Variants in MEI1 observed in about 807,000 individuals in gnomAD.
The protein encoded by MEI1 is meiosis inhibitor protein 1.
A neutral mutation model predicts 146.2 loss-of-function variants in MEI1; 103 were observed. The ratio of observed to expected loss-of-function variants is 0.70; its 90% confidence interval spans 0.60 to 0.83. The LOEUF (loss-of-function observed/expected upper bound fraction) is 0.83. Ranked by LOEUF, MEI1 falls within the 40% of genes least tolerant of loss-of-function variation. MEI1 has a pLI of 0.00. For synonymous variants in MEI1, 652 were observed against 628.2 expected, an observed-to-expected ratio of 1.04 and a Z score of -0.57; for missense variants, 1,529 against 1,533.0, an observed-to-expected ratio of 1.00 and a Z score of 0.04.
At chr22:41,732,647 C>A (rs752020021) in intron 11 of MEI1, 44 bp downstream of exon 11, 4 of 1,589,194 alleles carry the variant, frequency 2.5e-6, no homozygotes, top group Non-Finnish European at 1.7e-6. Context: ...CTGCATATAC[C>A]TAAGGGCCTG....
At chr22:41,742,465 C>T (rs2072963072) in intron 11 of MEI1, among the ~76,000 whole-genome samples, 1 of 152,160 alleles carries the variant, frequency 6.6e-6, no homozygotes, top group South Asian at 2.1e-4. Context: ...TAATAATAGA[C>T]ACAGCTGACA....
chr22:41,777,596 A>G (rs2075518485), intron 21 of MEI1, among the ~76,000 whole-genome samples: 1 of 152,224 alleles, frequency 6.6e-6, no homozygotes, highest in African/African-American at 2.4e-5. Flanking sequence ...TTAGCTGATA[A>G]TACTGGTTAA....
At chr22:41,770,652 G>A (rs999184834) in intron 19 of MEI1, 34 bp from the exon 20 acceptor site, 6 of 1,597,898 alleles carry the variant, frequency 3.8e-6, no homozygotes, top group Admixed American at 1.7e-5. Context: ...CCTCTGCAAG[G>A]TGTATTTACC....
chr22:41,745,093 T>C (rs1272675366), intron 13 of MEI1, 29 bp downstream of exon 13: 1 of 1,448,030 alleles, frequency 6.9e-7, no homozygotes, highest in Non-Finnish European at 9.3e-7. Flanking sequence ...TATGAAGTAA[T>C]AGCATGGAAG....
intron 19 of MEI1, among the ~76,000 whole-genome samples, chr22:41,768,120 G>A (rs1021218217): frequency 4.6e-5 from 7 of 152,106 alleles, no homozygotes; most frequent in Middle Eastern, 3.2e-3. Context: ...AGTTGCTCAC[G>A]CCTGTAATCC....
intron 15 of MEI1, among the ~76,000 whole-genome samples, chr22:41,752,109 T>G (rs2073800661): frequency 6.6e-6 from 1 of 151,892 alleles, no homozygotes; most frequent in Non-Finnish European, 1.5e-5. Context: ...ATTGGACCTC[T>G]GTTCTGAGAA....
chr22:41,755,594 CCTTG>C (rs2074040362), intron 17 of MEI1, among the ~76,000 whole-genome samples: 1 of 152,158 alleles, frequency 6.6e-6, no homozygotes, highest in African/African-American at 2.4e-5. Context: ...CTGGCAGTTC[CCTTG>C]CTTGTCAAAC....
In MEI1 at chr22:41,784,797, T is replaced by A. The variant is rs558345705; in HGVS notation, c.3345+14T>A. The A allele has an allele frequency of 1.9e-6, 3 of 1,577,100 alleles. No individual in the cohort carries two copies. In the South Asian group the frequency reaches 3.5e-5, roughly 18 times the overall value. Reference sequence around the variant, plus strand: ...CTCCTGGTGCAGGTAAGGCCCTTGCTGAGTGGGGCTTGCTTCTCCCAGGAC... The same window carrying A: ...CTCCTGGTGCAGGTAAGGCCCTTGCAGAGTGGGGCTTGCTTCTCCCAGGAC... On this transcript the variant is annotated intron_variant, in intron 26 of 30. Coordinates refer to ENST00000401548, the MANE Select transcript of MEI1 (RefSeq NM_152513.4).
chr22:41,700,996 A>G (rs1324216730), intron 1 of MEI1, among the ~76,000 whole-genome samples: 2 of 149,536 alleles, frequency 1.3e-5, no homozygotes, highest in Non-Finnish European at 3.0e-5. Context: ...CTGGAGTGCA[A>G]TGGCGCAATC....
At chr22:41,728,732 A>G (rs2147529188) in intron 7 of MEI1, among the ~76,000 whole-genome samples, 1 of 152,152 alleles carries the variant, frequency 6.6e-6, no homozygotes, top group South Asian at 2.1e-4. Flanking sequence ...GTGGTGGTGC[A>G]TGCCTGTAGT....
chr22:41,758,391 C>T lies in MEI1; in HGVS notation c.1978C>T (p.Gln660Ter). The change falls in exon 18 of 31, where the codon CAG becomes TAG. Residue 660 changes from glutamine to a stop codon, truncating the protein, a stop_gained. Transcript: ENST00000401548. LOFTEE classifies it high-confidence loss of function. ...EELSAVSELLQHGLPQISSRS... is the reference protein window; with the variant it reads ...EELSAVSELL ...ACTCTCTGCAGTGTCTGAGCTCCTG[C>T]AGCATGGGCTGCCCCAGATAAGCAG... 2 of 1,613,696 alleles carry T rather than the reference C, an allele frequency of 1.2e-6. No homozygotes were observed. The highest frequency in any genetic ancestry group is 1.7e-6 in the Non-Finnish European group (2 of 1,179,742).
chr22:41,735,070 TC>T (rs1260444423), intron 11 of MEI1, among the ~76,000 whole-genome samples: 1 of 151,892 alleles, frequency 6.6e-6, no homozygotes. Flanking sequence ...CACGCCATTC[TC>T]CTGCCTCAGC....
Position 41,795,943 on chromosome 22 carries a change from G to A in MEI1, c.3779+96G>A, listed in dbSNP as rs1304461115. On this transcript the variant is annotated intron_variant, in intron 30 of 30. Coordinates refer to ENST00000401548, the MANE Select transcript of MEI1 (RefSeq NM_152513.4). The surrounding 1 kb of genome is among the most constrained non-coding windows in gnomAD (Gnocchi z 4.2). ...CAGTTTATGCGGTACCGGAGTAGCA[G>A]TGTCCTCTCTCATGAAGAGGTGGGT... 1 of 1,612,408 alleles carries A rather than the reference G, an allele frequency of 6.2e-7. No homozygotes were observed. Among genetic ancestry groups the A allele is most frequent in the Middle Eastern group, 2.0e-4 (1 of 5,040 alleles).
At chr22:41,794,285 C>A in intron 27 of MEI1, 86 bp from the exon 28 acceptor site, 2 of 1,192,868 alleles carry the variant, frequency 1.7e-6, no homozygotes, top group Non-Finnish European at 2.5e-6. Flanking sequence ...TGGGTAGCCC[C>A]TTTTTAAGCC....
At chr22:41,786,995 T>C (rs1381430717) in intron 26 of MEI1, among the ~76,000 whole-genome samples, 1 of 152,202 alleles carries the variant, frequency 6.6e-6, no homozygotes, top group Non-Finnish European at 1.5e-5. Context: ...TGTTGAGTCT[T>C]GTCCTGTGGC....
intron 16 of MEI1, 118 bp from the exon 17 acceptor site, chr22:41,753,831 T>C (rs1283293965): frequency 1.3e-6 from 1 of 761,140 alleles, no homozygotes; most frequent in Non-Finnish European, 2.3e-6. Flanking sequence ...CGGCCATGGC[T>C]AGAATTTCAC....
At position 41,715,386 on chromosome 22, in the gene MEI1, T is replaced by C. The variant is rs60281270; in HGVS notation, c.424-655T>C. Among the ~76,000 whole-genome samples, 1,478 of 151,998 alleles carry C rather than the reference T, an allele frequency of 9.7e-3. 31 individuals are homozygous for C. The highest frequency in any genetic ancestry group is 0.034 in the African/African-American group (1,417 of 41,430). On this transcript the variant is annotated intron_variant, in intron 4 of 30. Coordinates refer to ENST00000401548, the MANE Select transcript of MEI1 (RefSeq NM_152513.4). ...TCAGTAATAGGAGCTATAATAACTATGATAACAATAATTTTTTTTTTTTTT... is the reference window on the plus strand; with the variant it reads ...TCAGTAATAGGAGCTATAATAACTACGATAACAATAATTTTTTTTTTTTTT...
chr22:41,705,675 G>A lies in MEI1; in HGVS notation c.349+121G>A, dbSNP rs2069033676. On this transcript the variant is annotated intron_variant, in intron 3 of 30. Transcript: ENST00000401548. Reference sequence around the variant, plus strand: ...GACACAGATAAGAGGAACCCCATTAGTTTTCAATCACTAATTCAACATTTG... The same window carrying A: ...GACACAGATAAGAGGAACCCCATTAATTTTCAATCACTAATTCAACATTTG... The A allele has an allele frequency of 4.5e-6, 3 of 668,030 alleles. No individual in the cohort carries two copies. The South Asian group carries it at 5.4e-5, about 12-fold the overall frequency. 41.4% of individuals were successfully genotyped at this position (668,030 alleles called of 1,614,324 possible). A position where few individuals can be genotyped will look rare whatever the true frequency, so the allele number is the denominator to read the frequency against.
chr22:41,730,390 C>G (rs1171659099), intron 8 of MEI1, 131 bp from the exon 9 acceptor site: 1 of 635,968 alleles, frequency 1.6e-6, no homozygotes, highest in Non-Finnish European at 2.9e-6. Context: ...GATCATGACT[C>G]ATGGAGAGGA....
Sources: allele counts gnomAD v4.1 joint callset (sites outside exome capture counted in the v4.1 genomes callset), GRCh38; gene constraint gnomAD v4.1.1; non-coding constraint Gnocchi (gnomAD v3.1); transcripts MANE v1.5; gene names NCBI Gene and HGNC (gene_info 2026-07-23, HGNC 2026-07-21).